The following SERPINB8 variants were observed in gnomAD, a reference collection of about 807,000 sequenced individuals.
The protein encoded by SERPINB8 is serpin B8.
SERPINB8 carries 25 observed loss-of-function variants against 35.3 expected under a neutral mutation model. That is an observed-to-expected ratio of 0.71 (90% CI 0.52 to 0.99). SERPINB8 has a LOEUF of 0.99. Among genes scored for constraint, SERPINB8 ranks in the 50% least tolerant of loss-of-function variants. SERPINB8 has a pLI of 0.00. For missense variants in SERPINB8, 484 were observed against 446.5 expected, an observed-to-expected ratio of 1.08 and a Z score of -0.76; for synonymous variants, 186 against 160.8, an observed-to-expected ratio of 1.16 and a Z score of -1.19.
At chr18:64,003,827 C>T (rs1280788025) in intron 1 of SERPINB8, among the ~76,000 whole-genome samples, 1 of 152,080 alleles carries the variant, frequency 6.6e-6, no homozygotes, top group Non-Finnish European at 1.5e-5. Flanking sequence ...GGGCCACCCA[C>T]ATTAAGGAGG....
chr18:64,008,622 A>T (rs913303080), downstream of SERPINB8, among the ~76,000 whole-genome samples: 1 of 152,146 alleles, frequency 6.6e-6, no homozygotes, highest in Non-Finnish European at 1.5e-5. Context: ...TTTGAATAAC[A>T]AAACAAAACC....
At chr18:63,984,966 A>T (rs1244883775) in intron 5 of SERPINB8, 127 bp from the exon 6 acceptor site, 1 of 856,112 alleles carries the variant, frequency 1.2e-6, no homozygotes, top group Non-Finnish European at 1.8e-6. Flanking sequence ...TGAAGATTTT[A>T]TATCTATCAG....
At chr18:63,984,975 A>C in intron 5 of SERPINB8, 118 bp from the exon 6 acceptor site, 1 of 918,372 alleles carries the variant, frequency 1.1e-6, no homozygotes, top group Non-Finnish European at 1.6e-6. Flanking sequence ...TATATCTATC[A>C]GCATAAATGT....
exon 8 of SERPINB8, chr18:64,019,642 A>C (rs2144856272): frequency 6.6e-6 from 1 of 152,180 alleles, no homozygotes; most frequent in South Asian, 2.1e-4. Flanking sequence ...ATGCCACAGC[A>C]ACACTGATCT....
chr18:63,990,663 T>TCC (rs1306265823), downstream of SERPINB8, among the ~76,000 whole-genome samples: 1 of 144,124 alleles, frequency 6.9e-6, no homozygotes, highest in Non-Finnish European at 1.5e-5. Context: ...CTATCCCTCA[T>TCC]CCCTCCCCCC....
intron 1 of SERPINB8, among the ~76,000 whole-genome samples, chr18:63,997,172 A>G (rs753049701): frequency 6.6e-6 from 1 of 152,208 alleles, no homozygotes; most frequent in Non-Finnish European, 1.5e-5. Flanking sequence ...AGGCACATAC[A>G]CTTTGAGAAA....
intron 1 of SERPINB8, 70 bp from the exon 2 acceptor site, chr18:63,978,229 G>A: frequency 1.3e-6 from 2 of 1,544,190 alleles, no homozygotes; most frequent in Non-Finnish European, 1.8e-6. Flanking sequence ...CACTGACTGG[G>A]GGATGAATGA....
chr18:63,970,977 G>A (rs2050466545), intron 1 of SERPINB8, among the ~76,000 whole-genome samples: 1 of 152,088 alleles, frequency 6.6e-6, no homozygotes, highest in Non-Finnish European at 1.5e-5. Flanking sequence ...TCTGGCTGCT[G>A]CTTCACTCCT....
chr18:64,009,108 CT>C, downstream of SERPINB8, among the ~76,000 whole-genome samples: 1 of 152,122 alleles, frequency 6.6e-6, no homozygotes, highest in Middle Eastern at 3.4e-3. Flanking sequence ...GCTCAAAAAC[CT>C]TAAGATTCTT....
chr18:63,978,402 C>T lies in SERPINB8; in HGVS notation c.94C>T (p.Pro32Ser), dbSNP rs1290946973. Residue 32 changes from proline (P) to serine (S), a missense_variant, in exon 2 of 7, where the codon CCC (proline) becomes TCC (serine). Transcript: ENST00000397985. ...CAACTCAAGAAACGTATTCTTCTCTCCCATGAGCATCTCCTCTGCCCTGGC... is the reference window on the plus strand; with the variant it reads ...CAACTCAAGAAACGTATTCTTCTCTTCCATGAGCATCTCCTCTGCCCTGGC... ...EDNSRNVFFSPMSISSALAMV... is the reference protein window; with the variant it reads ...EDNSRNVFFSSMSISSALAMV... 6.2e-7 allele frequency: 1 copy of T among 1,614,088 alleles called. No homozygotes were observed. Among genetic ancestry groups the T allele is most frequent in the East Asian group, 2.2e-5 (1 of 44,896 alleles).
chr18:64,001,500 T>TTTAC (rs201455309), intron 1 of SERPINB8, among the ~76,000 whole-genome samples: 100 of 151,478 alleles, frequency 6.6e-4, no homozygotes, highest in Admixed American at 2.5e-3. Flanking sequence ...TATTTATTTA[T>TTTAC]TTACTTAGAG....
chr18:63,981,848 T>C lies in SERPINB8; in HGVS notation c.424+10T>C, dbSNP rs1328696029. On this transcript the variant is annotated intron_variant, in intron 4 of 6. Transcript: ENST00000397985. ...GCAGAGAAGACTGAAGGTGAGACAG[T>C]TTCATTTCTGTTGATTTGGAATTAC... is the stretch of plus-strand genomic sequence containing the variant. 6.4e-7 allele frequency: 1 copy of C among 1,568,350 alleles called. No individual in the cohort carries two copies. Among genetic ancestry groups the C allele is most frequent in the African/African-American group, 1.4e-5 (1 of 73,896 alleles).
intron 1 of SERPINB8, among the ~76,000 whole-genome samples, chr18:64,000,414 A>G (rs1288086775): frequency 6.6e-6 from 1 of 152,210 alleles, no homozygotes; most frequent in Non-Finnish European, 1.5e-5. Context: ...GAAGAGTACA[A>G]CTTCAGGACA....
At chr18:63,985,416 G>C (rs529773674) in intron 6 of SERPINB8, among the ~76,000 whole-genome samples, 171 bp downstream of exon 6, 2 of 152,330 alleles carry the variant, frequency 1.3e-5, no homozygotes, top group East Asian at 3.8e-4. Context: ...TTTCTGTTGA[G>C]TGTATACATA....
intron 1 of SERPINB8, among the ~76,000 whole-genome samples, chr18:63,977,727 C>T (rs971838248): frequency 6.6e-6 from 1 of 152,130 alleles, no homozygotes; most frequent in African/African-American, 2.4e-5. Context: ...AAGTCATAGG[C>T]CCTGAGATTG....
chr18:64,005,048 A>T, exon 2 of SERPINB8: 1 of 392,186 alleles, frequency 2.5e-6, no homozygotes, highest in African/African-American at 2.1e-5. Context: ...GTCCCACAAA[A>T]CACCTGAATA....
At chr18:63,993,397 TCAC>T (rs764397188), downstream of SERPINB8, among the ~76,000 whole-genome samples, 1 of 152,254 alleles carries the variant, frequency 6.6e-6, no homozygotes, top group Non-Finnish European at 1.5e-5. Context: ...TAATTGAATC[TCAC>T]CATAGTCAGA....
chr18:64,012,618 T>A (rs73486353), intron 7 of SERPINB8, among the ~76,000 whole-genome samples: 1,895 of 152,088 alleles, frequency 0.012, 38 homozygotes, highest in African/African-American at 0.043. Flanking sequence ...CTTCTTGAGT[T>A]AGCTAAAAAT....
chr18:64,002,243 G>C (rs906108004), intron 1 of SERPINB8, among the ~76,000 whole-genome samples: 1 of 152,212 alleles, frequency 6.6e-6, no homozygotes, highest in Admixed American at 6.5e-5. Context: ...GGGTGGAAAA[G>C]AGCTTAGGTG....
Sources: gnomAD v4.1 joint callset for allele counts (sites outside exome capture counted in the v4.1 genomes callset) on GRCh38, gnomAD v4.1.1 for gene constraint, MANE v1.5 for transcripts, NCBI Gene and HGNC (gene_info 2026-07-23, HGNC 2026-07-21) for gene names.